Variants in ZNF385D observed in about 807,000 individuals in gnomAD.
ZNF385D encodes zinc finger protein 659.
Under a neutral mutation model 35.8 loss-of-function variants are expected in ZNF385D, and 15 were observed. That is an observed-to-expected ratio of 0.42 (90% CI 0.28 to 0.64). The LOEUF (loss-of-function observed/expected upper bound fraction) is 0.64. Ranked by LOEUF, ZNF385D falls within the 30% of genes least tolerant of loss-of-function variation. The pLI, the probability that ZNF385D is intolerant of heterozygous loss-of-function variation, is 0.23. For synonymous variants in ZNF385D, 212 were observed against 186.8 expected, an observed-to-expected ratio of 1.13 and a Z score of -1.10; for missense variants, 474 against 494.6, an observed-to-expected ratio of 0.96 and a Z score of 0.39.
intron 3 of ZNF385D, among the ~76,000 whole-genome samples, chr3:21,966,058 T>C (rs558342688): frequency 5.3e-5 from 8 of 152,314 alleles, no homozygotes; most frequent in Admixed American, 4.6e-4. Flanking sequence ...CCTAGATCTT[T>C]ACTCCTTGTC....
chr3:21,909,278 A>C (rs140638237), intron 3 of ZNF385D, among the ~76,000 whole-genome samples: 7 of 152,086 alleles, frequency 4.6e-5, no homozygotes, highest in Admixed American at 3.3e-4. Context: ...CACAAAATAC[A>C]AGCTTCCTCC....
intron 3 of ZNF385D, among the ~76,000 whole-genome samples, chr3:22,120,954 G>C (rs1222763884): frequency 6.6e-6 from 1 of 152,124 alleles, no homozygotes; most frequent in Non-Finnish European, 1.5e-5. Context: ...TCACCAAGTT[G>C]TATTTTTCTT....
intron 3 of ZNF385D, among the ~76,000 whole-genome samples, chr3:21,522,862 G>A (rs1315222682): frequency 6.6e-6 from 1 of 152,188 alleles, no homozygotes; most frequent in Non-Finnish European, 1.5e-5. Context: ...GTATAGGTGA[G>A]TTGTGTCAGC....
intron 3 of ZNF385D, among the ~76,000 whole-genome samples, chr3:22,146,708 T>C (rs1704881723): frequency 6.6e-6 from 1 of 152,190 alleles, no homozygotes; most frequent in Non-Finnish European, 1.5e-5. Flanking sequence ...AAATATTGAT[T>C]CTGACATTTT....
At chr3:22,101,345 A>G (rs541116172) in intron 3 of ZNF385D, among the ~76,000 whole-genome samples, 4 of 152,038 alleles carry the variant, frequency 2.6e-5, no homozygotes, top group Non-Finnish European at 5.9e-5. Context: ...CACATACATA[A>G]CCTTCCATGA....
chr3:21,841,639 T>C (rs1428584846), intron 3 of ZNF385D, among the ~76,000 whole-genome samples: 1 of 151,998 alleles, frequency 6.6e-6, no homozygotes, highest in Non-Finnish European at 1.5e-5. Flanking sequence ...ATTTTATTTT[T>C]CTTGTCATTT....
intron 4 of ZNF385D, among the ~76,000 whole-genome samples, chr3:21,472,793 T>C (rs1340525847): frequency 1.3e-5 from 2 of 152,012 alleles, no homozygotes; most frequent in African/African-American, 4.8e-5. Context: ...CTGTAACCAA[T>C]CGAGTTGTTT....
Position 21,465,219 on chromosome 3 carries a change from G to A in ZNF385D, c.440-28016C>T, listed in dbSNP as rs1381710003. ...ATATTTTCACTTTTATTTTCACATA[G>A]GGAACTACACTTATCTCCAGAGTCT... On this transcript the variant is annotated intron_variant, in intron 4 of 7. Transcript: ENST00000281523. This position sits in a 1 kb window ranked among gnomAD's most constrained non-coding sequence, Gnocchi z 4.2. Among the ~76,000 whole-genome samples the A allele has an allele frequency of 6.6e-6, 1 of 151,966 alleles. No individual in the cohort carries two copies. The highest frequency in any genetic ancestry group is 1.5e-5 in the Non-Finnish European group (1 of 67,986).
intron 2 of ZNF385D, among the ~76,000 whole-genome samples, chr3:22,354,921 T>A (rs1035320127): frequency 2.0e-5 from 3 of 152,058 alleles, no homozygotes; most frequent in Non-Finnish European, 2.9e-5. Flanking sequence ...CACTCATGGC[T>A]ACCATACAGG....
intron 3 of ZNF385D, among the ~76,000 whole-genome samples, chr3:21,776,700 C>A (rs1018127595): frequency 2.0e-5 from 3 of 151,730 alleles, no homozygotes; most frequent in African/African-American, 7.3e-5. Flanking sequence ...GTAGCATCAG[C>A]AATTATCATA....
intron 1 of ZNF385D, among the ~76,000 whole-genome samples, chr3:21,734,698 T>C (rs2069165343): frequency 6.6e-6 from 1 of 152,126 alleles, no homozygotes; most frequent in African/African-American, 2.4e-5. Flanking sequence ...AAACCTGGGC[T>C]GCACTGATCA....
chr3:21,688,094 T>TCTATTATTTTTGGTGTCTCTA (rs1010261675), intron 1 of ZNF385D, among the ~76,000 whole-genome samples: 6 of 152,050 alleles, frequency 3.9e-5, no homozygotes, highest in Admixed American at 3.3e-4. Flanking sequence ...ATAACTCACC[T>TCTATTATTTTTGGTGTCTCTA]CTATTATTTT....
intron 2 of ZNF385D, among the ~76,000 whole-genome samples, chr3:21,603,344 T>C (rs2064375033): frequency 6.6e-6 from 1 of 151,942 alleles, no homozygotes; most frequent in Non-Finnish European, 1.5e-5. Context: ...GCAATGTCTT[T>C]GGAAGTTAAA....
At chr3:21,915,413 T>C (rs1219305135) in intron 3 of ZNF385D, among the ~76,000 whole-genome samples, 2 of 152,196 alleles carry the variant, frequency 1.3e-5, no homozygotes, top group East Asian at 1.9e-4. Flanking sequence ...TAGCATTGTG[T>C]TACTTTGGAA....
chr3:22,298,784 C>T (rs1470423384), intron 2 of ZNF385D, among the ~76,000 whole-genome samples: 3 of 150,632 alleles, frequency 2.0e-5, no homozygotes, highest in South Asian at 4.2e-4. Context: ...ATAAAAAACA[C>T]TCTTAGAATC....
chr3:22,207,408 C>A (rs141412297), intron 2 of ZNF385D, among the ~76,000 whole-genome samples: 1 of 151,810 alleles, frequency 6.6e-6, no homozygotes, highest in Non-Finnish European at 1.5e-5. Flanking sequence ...GAAAACAAAG[C>A]CCCTATCTCC....
intron 2 of ZNF385D, among the ~76,000 whole-genome samples, chr3:22,180,660 T>C (rs1039978654): frequency 1.3e-5 from 2 of 152,118 alleles, no homozygotes; most frequent in South Asian, 2.1e-4. Context: ...TAATCCAGCA[T>C]ATAAACAGAA....
chr3:21,695,195 G>T (rs2125360400), intron 1 of ZNF385D, among the ~76,000 whole-genome samples: 1 of 152,298 alleles, frequency 6.6e-6, no homozygotes. Context: ...GAAAAGCAGA[G>T]TCAGACATCC....
chr3:21,562,958 C>T (rs1348953998), intron 3 of ZNF385D, among the ~76,000 whole-genome samples: 1 of 152,150 alleles, frequency 6.6e-6, no homozygotes, highest in Non-Finnish European at 1.5e-5. Context: ...CAAAAAATCC[C>T]TTCACATAAA....
Sources: gnomAD v4.1 joint callset for allele counts (sites outside exome capture counted in the v4.1 genomes callset) on GRCh38, gnomAD v4.1.1 for gene constraint, Gnocchi (gnomAD v3.1) non-coding constraint, MANE v1.5 for transcripts, NCBI Gene and HGNC (gene_info 2026-07-23, HGNC 2026-07-21) for gene names.